Variants in HECW1 observed in about 807,000 individuals in gnomAD.
The protein encoded by HECW1 is HECT, C2 and WW domain containing E3 ubiquitin protein ligase 1.
A neutral mutation model predicts 182.3 loss-of-function variants in HECW1; 61 were observed. The ratio of observed to expected loss-of-function variants is 0.33; its 90% CI spans 0.27 to 0.41. HECW1 has a LOEUF of 0.41. HECW1 is among the 10% of genes least tolerant of loss of function. The pLI, the probability that HECW1 is intolerant of heterozygous loss-of-function variation, is 1.00. For synonymous variants in HECW1, 859 were observed against 832.6 expected, an observed-to-expected ratio of 1.03 and a Z score of -0.55; for missense variants, 1,739 against 2,108.9, an observed-to-expected ratio of 0.82 and a Z score of 3.44.
intron 24 of HECW1, among the ~76,000 whole-genome samples, chr7:43,518,242 T>C (rs10273982): frequency 0.31 from 47,189 of 151,912 alleles, 7,469 homozygotes; most frequent in South Asian, 0.46. Context: ...CACCTCTAAT[T>C]CCAACACTTT....
At chr7:43,476,859 ACCC>A (rs951795095) in intron 16 of HECW1, among the ~76,000 whole-genome samples, 1 of 152,164 alleles carries the variant, frequency 6.6e-6, no homozygotes, top group Non-Finnish European at 1.5e-5. Context: ...CACTTAACTG[ACCC>A]CTGGAGAGGA....
rs547883084 is a variant in HECW1, at chr7:43,520,471, G to A, written c.4019+11350G>A. The stretch of plus-strand genomic sequence containing the variant: ...TTTGCTCTGCTGCCCATATGTGCGC[G>A]ATTGTTTCTTCTGTTCTTCTTCTCT... On this transcript the variant is annotated intron_variant, in intron 24 of 29. Coordinates refer to ENST00000395891, the MANE Select transcript of HECW1 (RefSeq NM_015052.5). 1.3e-4 allele frequency among the ~76,000 whole-genome samples: 20 copies of A among 152,168 alleles called. No homozygotes were observed. The South Asian group carries it at 2.5e-3, about 19-fold the overall frequency.
chr7:43,194,549 C>T (rs1794244301), intron 2 of HECW1: 1 of 152,178 alleles, frequency 6.6e-6, no homozygotes, highest in South Asian at 2.1e-4. Flanking sequence ...TTCTTTTCCG[C>T]AAAACCTTGC....
At chr7:43,462,338 C>T (rs2077614819) in intron 13 of HECW1, among the ~76,000 whole-genome samples, 1 of 152,074 alleles carries the variant, frequency 6.6e-6, no homozygotes, top group Non-Finnish European at 1.5e-5. Flanking sequence ...ATTCTCCACT[C>T]CGACACTGGA....
intron 2 of HECW1, among the ~76,000 whole-genome samples, chr7:43,210,586 G>A (rs1795923502): frequency 6.6e-6 from 1 of 152,078 alleles, no homozygotes; most frequent in Admixed American, 6.6e-5. Flanking sequence ...TGGCCTCATG[G>A]ATTCCAAGGA....
At chr7:43,126,558 A>C (rs552871933) in intron 2 of HECW1, among the ~76,000 whole-genome samples, 1 of 152,286 alleles carries the variant, frequency 6.6e-6, no homozygotes, top group African/African-American at 2.4e-5. Context: ...AAATTGACCT[A>C]ACTGCTGATT....
At position 43,501,095 on chromosome 7, in the gene HECW1, G is replaced by A. The variant is rs910877276; in HGVS notation, c.3522-118G>A. On this transcript the variant is annotated intron_variant, in intron 20 of 29. Coordinates refer to ENST00000395891, the MANE Select transcript of HECW1 (RefSeq NM_015052.5). ...TTCTGTACTACATTTAAATCTAATT[G>A]CTTTTGTTGCTTTGTGAGAAGTGTA... 4.8e-6 allele frequency: 3 copies of A among 623,028 alleles called. No homozygotes were observed. In the Admixed American group the frequency reaches 8.7e-5, roughly 18 times the overall value. 38.6% of individuals were successfully genotyped at this position (623,028 alleles called of 1,614,324 possible).
Position 43,550,612 on chromosome 7 carries a change from G to C in HECW1, c.4395+21G>C, listed in dbSNP as rs756902306. ...ACGAGGTGAGGCCCGGTGGCCTGGG[G>C]AAGGCAAGCTGTGGCCAGGGTGCTG... On this transcript the variant is annotated intron_variant, in intron 27 of 29. Transcript: ENST00000395891. 4.4e-6 allele frequency: 7 copies of C among 1,581,188 alleles called. No individual in the cohort carries two copies. In the South Asian group the frequency reaches 8.0e-5, roughly 18 times the overall value.
intron 6 of HECW1, among the ~76,000 whole-genome samples, chr7:43,361,998 A>G (rs1438396287): frequency 6.6e-6 from 1 of 151,430 alleles, no homozygotes; most frequent in East Asian, 1.9e-4. Context: ...AAAATTAGCC[A>G]GGCATGGTGG....
At chr7:43,182,080 G>A (rs1033834474) in intron 2 of HECW1, among the ~76,000 whole-genome samples, 3 of 152,112 alleles carry the variant, frequency 2.0e-5, no homozygotes, top group Non-Finnish European at 4.4e-5. Flanking sequence ...CACCGCGCCA[G>A]GCCTCTCATA....
chr7:43,485,433 A>G (rs1185360760), intron 17 of HECW1, among the ~76,000 whole-genome samples: 1 of 152,234 alleles, frequency 6.6e-6, no homozygotes, highest in East Asian at 1.9e-4. Context: ...AATTACAGTC[A>G]TACATCACTT....
At chr7:43,343,029 G>GA (rs201436117) in intron 5 of HECW1, among the ~76,000 whole-genome samples, 2,687 of 146,886 alleles carry the variant, frequency 0.018, 126 homozygotes, top group African/African-American at 0.063. Context: ...CATCTCAAAA[G>GA]AAAAAAAAAA....
At chr7:43,549,089 T>C (rs926360652) in intron 26 of HECW1, among the ~76,000 whole-genome samples, 8 of 152,216 alleles carry the variant, frequency 5.3e-5, no homozygotes, top group Admixed American at 1.3e-4. Flanking sequence ...CTGTGTTCAG[T>C]GCAGCCGGAC....
At position 43,444,505 on chromosome 7, in the gene HECW1, G is replaced by C; in HGVS notation, c.1333G>C (p.Val445Leu). 2 of 1,612,228 alleles carry C rather than the reference G, an allele frequency of 1.2e-6. No homozygotes were observed. The highest frequency in any genetic ancestry group is 1.7e-6 in the Non-Finnish European group (2 of 1,179,306). Residue 445 changes from valine (V) to leucine (L), a missense_variant, in exon 11 of 30, where the codon GTG (valine) becomes CTG (leucine). By Grantham distance (32) the Val-to-Leu change is conservative (BLOSUM62 1). Transcript: ENST00000395891. The surrounding 1 kb of genome is among the most constrained non-coding windows in gnomAD (Gnocchi z 4.3). ...AGGGGCTGGGGAGCTCCTGGCCCAG[G>C]TGCAAAAGGACATCCAGCCTGCCCC... is the stretch of plus-strand genomic sequence containing the variant. Reference protein sequence around the residue: ...PEGAGELLAQVQKDIQPAPSA... With the variant: ...PEGAGELLAQLQKDIQPAPSA...
At chr7:43,275,708 G>GCGCACACACA (rs1554336998) in intron 3 of HECW1, among the ~76,000 whole-genome samples, 16 of 146,098 alleles carry the variant, frequency 1.1e-4, no homozygotes, top group African/African-American at 4.1e-4. Context: ...TTATGCGCAC[G>GCGCACACACA]CACACACACA....
At chr7:43,494,494 A>C (rs2079043888) in intron 19 of HECW1, among the ~76,000 whole-genome samples, 1 of 151,156 alleles carries the variant, frequency 6.6e-6, no homozygotes, top group African/African-American at 2.4e-5. Flanking sequence ...TCACATATGA[A>C]ATAAAGTCAA....
At chr7:43,293,011 T>G (rs1805590084) in intron 3 of HECW1, among the ~76,000 whole-genome samples, 2 of 151,814 alleles carry the variant, frequency 1.3e-5, no homozygotes, top group African/African-American at 4.8e-5. Context: ...GATCATGAGG[T>G]CAGGAGATCA....
chr7:43,211,549 C>G (rs1163298579), intron 2 of HECW1, among the ~76,000 whole-genome samples: 1 of 152,118 alleles, frequency 6.6e-6, no homozygotes, highest in Non-Finnish European at 1.5e-5. Context: ...GAAAGACTTT[C>G]CAAGGGGGAC....
chr7:43,406,790 C>G (rs776461172), intron 7 of HECW1, among the ~76,000 whole-genome samples: 1 of 151,978 alleles, frequency 6.6e-6, no homozygotes, highest in Non-Finnish European at 1.5e-5. Flanking sequence ...TGGTGATAGG[C>G]ACTTGTAATC....
Sources: allele counts gnomAD v4.1 joint callset (sites outside exome capture counted in the v4.1 genomes callset), GRCh38; gene constraint gnomAD v4.1.1; non-coding constraint Gnocchi (gnomAD v3.1); transcripts MANE v1.5; gene names NCBI Gene and HGNC (gene_info 2026-07-23, HGNC 2026-07-21).